Variants in RSBN1L observed in about 807,000 individuals in gnomAD.
The protein encoded by RSBN1L is lysine-specific demethylase RSBN1L.
Under a neutral mutation model 67.7 loss-of-function variants are expected in RSBN1L, and 30 were observed. The ratio of observed to expected loss-of-function variants is 0.44; its 90% CI spans 0.33 to 0.60. The LOEUF (loss-of-function observed/expected upper bound fraction) is 0.60. Ranked by LOEUF, RSBN1L falls within the 20% of genes least tolerant of loss-of-function variation. The pLI is 0.02. For missense variants in RSBN1L, 992 were observed against 1,031.7 expected (o/e 0.96, Z 0.53); for synonymous variants, 433 against 387.0 (o/e 1.12, Z -1.39).
Position 77,696,687 on chromosome 7 carries a change from C to G in RSBN1L, c.218C>G (p.Ala73Gly), listed in dbSNP as rs1790732091. Reference protein sequence around the residue: ...GGNSRQLQPPAAPSPQSYGSP... With the variant: ...GGNSRQLQPPGAPSPQSYGSP... ...AACAGCAGGCAGCTGCAGCCGCCGG[C>G]AGCACCTTCGCCTCAGAGCTATGGC... is the stretch of plus-strand genomic sequence containing the variant. The change falls in exon 1 of 8, where the codon GCA (alanine) becomes GGA (glycine). Residue 73 changes from alanine to glycine, a missense_variant. This residue lies in a region of RSBN1L where 575 missense variants were observed against 483.2 expected (regional missense o/e 1.19). Transcript: ENST00000334955. 1 of 1,612,674 alleles carries G rather than the reference C, an allele frequency of 6.2e-7. No homozygotes were observed. The highest frequency in any genetic ancestry group is 8.5e-7 in the Non-Finnish European group (1 of 1,179,328).
At position 77,767,499 on chromosome 7, in the gene RSBN1L, G is replaced by A. The variant is rs183401957; in HGVS notation, c.1483-1162G>A. On this transcript the variant is annotated intron_variant, in intron 4 of 7. Transcript: ENST00000334955. ...AGCAATTCTCATGCCTCAGCCTTTC[G>A]AGTAGCTGGGATTACAGACACACAC... Among the ~76,000 whole-genome samples the A allele has an allele frequency of 2.9e-4, 44 of 151,534 alleles. No individual in the cohort carries two copies. The East Asian group carries it at 8.3e-3, about 28-fold the overall frequency.
chr7:77,725,710 G>C (rs1791194290), intron 1 of RSBN1L, among the ~76,000 whole-genome samples: 2 of 151,688 alleles, frequency 1.3e-5, no homozygotes, highest in Non-Finnish European at 2.9e-5. Flanking sequence ...TCCTGCCTCA[G>C]CCTCCCAGGT....
intron 3 of RSBN1L, 127 bp from the exon 4 acceptor site, chr7:77,765,368 T>G: frequency 1.4e-6 from 1 of 732,416 alleles, no homozygotes; most frequent in South Asian, 3.5e-5. Context: ...GATATAATAT[T>G]CTGAGATAAT....
chr7:77,715,269 CAAAA>C (rs948010719), intron 1 of RSBN1L, among the ~76,000 whole-genome samples: 6 of 152,084 alleles, frequency 3.9e-5, no homozygotes, highest in Non-Finnish European at 7.4e-5. Flanking sequence ...GACTCTGTCT[CAAAA>C]AGAAAGAAAG....
chr7:77,720,421 G>A (rs1015158909), intron 1 of RSBN1L, among the ~76,000 whole-genome samples: 1 of 152,118 alleles, frequency 6.6e-6, no homozygotes, highest in Non-Finnish European at 1.5e-5. Flanking sequence ...TTAGCTGGGC[G>A]TGGTGCTGCA....
intron 1 of RSBN1L, among the ~76,000 whole-genome samples, chr7:77,723,976 CTG>C (rs920137445): frequency 1.6e-4 from 24 of 151,758 alleles, no homozygotes; most frequent in Middle Eastern, 3.4e-3. Flanking sequence ...CAGGATCTCT[CTG>C]TGTTGCCCAG....
chr7:77,742,167 A>G (rs1422851411), intron 2 of RSBN1L, among the ~76,000 whole-genome samples: 8 of 118,498 alleles, frequency 6.8e-5, no homozygotes, highest in Non-Finnish European at 1.4e-4. Flanking sequence ...CCATCTTTAA[A>G]AAAAAAAAAA....
intron 1 of RSBN1L, among the ~76,000 whole-genome samples, chr7:77,727,952 T>C (rs1791228370): frequency 6.6e-6 from 1 of 152,234 alleles, no homozygotes; most frequent in Non-Finnish European, 1.5e-5. Context: ...CATTTACTTA[T>C]GTATCCATTG....
At chr7:77,756,171 A>C (rs57768240) in intron 3 of RSBN1L, among the ~76,000 whole-genome samples, 2 of 151,924 alleles carry the variant, frequency 1.3e-5, no homozygotes, top group African/African-American at 4.8e-5. Flanking sequence ...TAGCTCTGTC[A>C]TCCAGGCTGG....
rs1791980362 is a variant in RSBN1L, at chr7:77,780,139, A to C, written c.*971A>C. On this transcript the variant is annotated 3_prime_UTR_variant, in exon 8 of 8. Transcript: ENST00000334955. ...GCCACAGCGCCCAGCCTATGCAGGC[A>C]TTTTTAACAACCAAGACTCAGTTAA... is the stretch of plus-strand genomic sequence containing the variant. 1.3e-5 allele frequency: 2 copies of C among 152,082 alleles called. No individual in the cohort carries two copies. The highest frequency in any genetic ancestry group is 1.3e-4 in the Admixed American group (2 of 15,238). 9.4% of individuals were successfully genotyped at this position (152,082 alleles called of 1,614,324 possible).
At chr7:77,775,849 A>T (rs1257539521) in intron 6 of RSBN1L, among the ~76,000 whole-genome samples, 2 of 152,186 alleles carry the variant, frequency 1.3e-5, no homozygotes, top group Non-Finnish European at 2.9e-5. Context: ...TGAGGTCAGG[A>T]GTTCCAGACC....
At chr7:77,714,734 G>A (rs968649669) in intron 1 of RSBN1L, among the ~76,000 whole-genome samples, 1 of 151,676 alleles carries the variant, frequency 6.6e-6, no homozygotes, top group African/African-American at 2.4e-5. Context: ...AGGCTGAGGC[G>A]GGCCGATCAC....
intron 1 of RSBN1L, among the ~76,000 whole-genome samples, chr7:77,728,466 T>C (rs1330866260): frequency 6.6e-6 from 1 of 152,222 alleles, no homozygotes; most frequent in Non-Finnish European, 1.5e-5. Context: ...TAGAGGGTTT[T>C]AGTACATTTT....
At chr7:77,745,993 C>T (rs181929731) in intron 2 of RSBN1L, among the ~76,000 whole-genome samples, 26 of 152,230 alleles carry the variant, frequency 1.7e-4, no homozygotes, top group Non-Finnish European at 2.9e-4. Flanking sequence ...GTAATGTGAG[C>T]AATGGGGAAT....
At chr7:77,723,262 G>A (rs890910968) in intron 1 of RSBN1L, among the ~76,000 whole-genome samples, 9 of 151,810 alleles carry the variant, frequency 5.9e-5, no homozygotes, top group African/African-American at 1.7e-4. Context: ...CACTGCGCCC[G>A]GCCAACATTT....
chr7:77,729,215 C>G (rs1302411169), intron 1 of RSBN1L, among the ~76,000 whole-genome samples: 1 of 152,014 alleles, frequency 6.6e-6, no homozygotes, highest in East Asian at 1.9e-4. Flanking sequence ...TATTAACTTT[C>G]TTGAGTCTGA....
Position 77,696,881 on chromosome 7 carries a change from C to G in RSBN1L, c.412C>G (p.Gln138Glu), listed in dbSNP as rs1173164468. 6.2e-7 allele frequency: 1 copy of G among 1,609,602 alleles called. No individual in the cohort carries two copies. ...GGTCCCTCCTACGCTGCTGCACGCT[C>G]AGCCTCACCATCTCCTCCTGCCCGC... ...LLVPPTLLHAQPHHLLLPAAA... is the reference protein window; with the variant it reads ...LLVPPTLLHAEPHHLLLPAAA... The change falls in exon 1 of 8, where the codon CAG (glutamine) becomes GAG (glutamate). Residue 138 changes from glutamine (Q) to glutamate (E), a missense_variant. Physicochemically the swap from Gln to Glu is conservative, Grantham distance 29. Transcript: ENST00000334955.
intron 6 of RSBN1L, among the ~76,000 whole-genome samples, chr7:77,775,727 C>T (rs1342494236): frequency 6.6e-6 from 1 of 152,008 alleles, no homozygotes; most frequent in African/African-American, 2.4e-5. Context: ...GTTTTATGGA[C>T]CATCTTGATG....
intron 3 of RSBN1L, among the ~76,000 whole-genome samples, chr7:77,760,032 T>C (rs1237628701): frequency 2.6e-5 from 4 of 152,158 alleles, no homozygotes; most frequent in Non-Finnish European, 5.9e-5. Flanking sequence ...AAATTACTTG[T>C]TATTACTATA....
Sources: allele counts gnomAD v4.1 joint callset (sites outside exome capture counted in the v4.1 genomes callset), GRCh38; gene constraint gnomAD v4.1.1; regional missense constraint gnomAD v4.1.1; transcripts MANE v1.5; gene names NCBI Gene and HGNC (gene_info 2026-07-23, HGNC 2026-07-21).